Variants in GPN2 observed in about 807,000 individuals in gnomAD.
GPN2 encodes the protein GPN-loop GTPase 2.
GPN2 carries 27 observed loss-of-function variants against 30.1 expected under a neutral mutation model. That is an observed-to-expected ratio of 0.90 (90% CI 0.66 to 1.24). The LOEUF is 1.24. Among genes scored for constraint, GPN2 ranks in the 50% most tolerant of loss-of-function variants. The pLI is 0.00. For missense variants in GPN2, 406 were observed against 405.4 expected (o/e 1.00, Z -0.01); for synonymous variants, 212 against 174.4 (o/e 1.22, Z -1.70).
At chr1:26,889,636 T>A in intron 1 of GPN2, 50 bp downstream of exon 1, 2 of 1,512,962 alleles carry the variant, frequency 1.3e-6, no homozygotes, top group Non-Finnish European at 1.8e-6. Context: ...CTGTCCTCCC[T>A]GTCTCAGTTA....
rs2081839063 is a variant in GPN2 at position 26,876,619 on chromosome 1, T to C, written c.*3058A>G. ...ACATGCCAGCCATAATGGAGGATGG[T>C]CTTTCTTCTACCCTAGACATTTCAC... On this transcript the variant is annotated 3_prime_UTR_variant, in exon 5 of 5. Transcript: ENST00000374135. The C allele has an allele frequency of 6.6e-6, 1 of 152,176 alleles. No individual in the cohort carries two copies. The highest frequency in any genetic ancestry group is 2.4e-5 in the African/African-American group (1 of 41,432). 9.4% of individuals were successfully genotyped at this position (152,176 alleles called of 1,614,324 possible). A position where few individuals can be genotyped will look rare whatever the true frequency, so the allele number is the denominator to read the frequency against.
At chr1:26,885,801 G>A (rs558913704) in intron 3 of GPN2, among the ~76,000 whole-genome samples, 172 bp downstream of exon 3, 21 of 151,886 alleles carry the variant, frequency 1.4e-4, no homozygotes, top group Non-Finnish European at 2.5e-4. Context: ...GGATGGTCTC[G>A]ATCTCCTGAC....
intron 2 of GPN2, among the ~76,000 whole-genome samples, chr1:26,886,748 G>T (rs1032041173): frequency 6.6e-6 from 1 of 151,998 alleles, no homozygotes; most frequent in Non-Finnish European, 1.5e-5. Context: ...AACCCAGGAG[G>T]GGGAGCTTGC....
chr1:26,882,469 G>A (rs1207600018), intron 4 of GPN2, among the ~76,000 whole-genome samples: 1 of 152,080 alleles, frequency 6.6e-6, no homozygotes, highest in Non-Finnish European at 1.5e-5. Context: ...ACCTTCATCA[G>A]GGACTGCACA....
intron 3 of GPN2, among the ~76,000 whole-genome samples, chr1:26,885,345 T>C (rs1457770316): frequency 6.6e-6 from 1 of 152,160 alleles, no homozygotes; most frequent in African/African-American, 2.4e-5. Context: ...GTTGCCCAGT[T>C]GAAAGGGCTT....
chr1:26,886,481 G>A (rs775243561), intron 2 of GPN2: 5 of 457,004 alleles, frequency 1.1e-5, no homozygotes, highest in Non-Finnish European at 1.7e-5. Context: ...GATTACCTGA[G>A]GTCAGGAGTT....
chr1:26,888,507 C>T (rs1465791659), intron 2 of GPN2, among the ~76,000 whole-genome samples: 1 of 152,210 alleles, frequency 6.6e-6, no homozygotes, highest in Non-Finnish European at 1.5e-5. Flanking sequence ...GGCCTTTATT[C>T]CTACTAGTGC....
intron 2 of GPN2, among the ~76,000 whole-genome samples, chr1:26,888,115 C>T (rs2081900819): frequency 6.6e-6 from 1 of 152,122 alleles, no homozygotes; most frequent in African/African-American, 2.4e-5. Context: ...CCACCTCGGC[C>T]TCCCAAAGTG....
intron 2 of GPN2, among the ~76,000 whole-genome samples, chr1:26,887,619 T>C (rs1331200025): frequency 6.6e-6 from 1 of 151,876 alleles, no homozygotes; most frequent in Non-Finnish European, 1.5e-5. Flanking sequence ...TGGAGTGCAC[T>C]GGCATGATCT....
chr1:26,886,966 T>A (rs911185417), intron 2 of GPN2, among the ~76,000 whole-genome samples: 1 of 146,366 alleles, frequency 6.8e-6, no homozygotes, highest in Non-Finnish European at 1.5e-5. Context: ...GCACTCCAGC[T>A]TGGGCAACAA....
chr1:26,884,413 G>T, intron 3 of GPN2, 123 bp from the exon 4 acceptor site: 2 of 881,902 alleles, frequency 2.3e-6, no homozygotes, highest in Non-Finnish European at 3.3e-6. Context: ...GCCTGGAGTA[G>T]TTCTACATGT....
intron 4 of GPN2, among the ~76,000 whole-genome samples, chr1:26,882,768 C>T (rs150288464): frequency 2.6e-4 from 39 of 152,304 alleles, no homozygotes; most frequent in Admixed American, 7.2e-4. Flanking sequence ...TAACCAAGCT[C>T]CAAAAGTCTG....
chr1:26,889,624 G>T, intron 1 of GPN2, 62 bp downstream of exon 1: 1 of 1,469,380 alleles, frequency 6.8e-7, no homozygotes, highest in Non-Finnish European at 9.2e-7. Flanking sequence ...GGGGCGTGGC[G>T]TCTGTCCTCC....
chr1:26,885,219 C>T (rs1308399070), intron 3 of GPN2, among the ~76,000 whole-genome samples: 4 of 152,214 alleles, frequency 2.6e-5, no homozygotes, highest in Admixed American at 2.6e-4. Flanking sequence ...CAAGTTAGCT[C>T]AAGTCCACCC....
rs1416597244 is a variant in GPN2, at chr1:26,879,240, G to C, written c.*437C>G. 1 of 165,818 alleles carries C rather than the reference G, an allele frequency of 6.0e-6. No individual in the cohort carries two copies. The highest frequency in any genetic ancestry group is 1.3e-5 in the Non-Finnish European group (1 of 75,272). The allele number at this position is 165,818 out of a possible 1,614,324, so 10.3% of individuals were successfully genotyped here. A position where few individuals can be genotyped will look rare whatever the true frequency, so the allele number is the denominator to read the frequency against. ...TAATAAAAACACATGACTGGAGACTGAATGTAAATCCTATGTGACTGAATG... is the reference window on the plus strand; with the variant it reads ...TAATAAAAACACATGACTGGAGACTCAATGTAAATCCTATGTGACTGAATG... On this transcript the variant is annotated 3_prime_UTR_variant, in exon 5 of 5. Coordinates refer to ENST00000374135, the MANE Select transcript of GPN2 (RefSeq NM_018066.4).
At position 26,876,511 on chromosome 1, in the gene GPN2, C is replaced by T. The variant is rs2081838591; in HGVS notation, c.*3166G>A. On this transcript the variant is annotated 3_prime_UTR_variant, in exon 5 of 5. Coordinates refer to ENST00000374135, the MANE Select transcript of GPN2 (RefSeq NM_018066.4). ...GGGATTACAGGCGTGAGCCACCGTG[C>T]TCGGCCTTCTCTTTCATTTTCTAAG... The T allele has an allele frequency of 6.6e-6, 1 of 152,250 alleles. No individual in the cohort carries two copies. The highest frequency in any genetic ancestry group is 6.5e-5 in the Admixed American group (1 of 15,290). 9.4% of individuals were successfully genotyped at this position (152,250 alleles called of 1,614,324 possible).
chr1:26,881,612 A>T (rs578255641), intron 4 of GPN2, among the ~76,000 whole-genome samples: 1 of 152,386 alleles, frequency 6.6e-6, no homozygotes, highest in East Asian at 1.9e-4. Context: ...ACACGCCCAT[A>T]GTCCTAGCTA....
intron 4 of GPN2, among the ~76,000 whole-genome samples, chr1:26,880,437 AG>A (rs2124291809): frequency 6.6e-6 from 1 of 152,192 alleles, no homozygotes; most frequent in Non-Finnish European, 1.5e-5. Context: ...CTCAGCCTCC[AG>A]AGTAGCTGGG....
rs187773227 is a variant in GPN2 at position 26,876,840 on chromosome 1, C to G, written c.*2837G>C. 1 of 152,056 alleles carries G rather than the reference C, an allele frequency of 6.6e-6. No homozygotes were observed. The highest frequency in any genetic ancestry group is 6.6e-5 in the Admixed American group (1 of 15,234). 9.4% of individuals were successfully genotyped at this position (152,056 alleles called of 1,614,324 possible). Reference sequence around the variant, plus strand: ...GGCCTTGGATTACTCCCACCCATCTCCACTCCATGGGTGCAGAGAATGCTG... The same window carrying G: ...GGCCTTGGATTACTCCCACCCATCTGCACTCCATGGGTGCAGAGAATGCTG... On this transcript the variant is annotated 3_prime_UTR_variant, in exon 5 of 5. Coordinates refer to ENST00000374135, the MANE Select transcript of GPN2 (RefSeq NM_018066.4).
Sources: gnomAD v4.1 joint callset for allele counts (sites outside exome capture counted in the v4.1 genomes callset) on GRCh38, gnomAD v4.1.1 for gene constraint, MANE v1.5 for transcripts, NCBI Gene and HGNC (gene_info 2026-07-23, HGNC 2026-07-21) for gene names.